NRROS: variants seen among roughly 807,000 people sequenced by gnomAD.
NRROS encodes the protein transforming growth factor beta activator LRRC33.
In NRROS, 6 loss-of-function variants were observed where a neutral mutation model predicts 12.0. That is an observed-to-expected ratio of 0.50 (90% CI 0.27 to 0.98). The LOEUF is 0.98. Ranked by LOEUF, NRROS falls within the 50% of genes least tolerant of loss-of-function variation. The pLI is 0.11. For synonymous variants in NRROS, 462 were observed against 410.2 expected, an observed-to-expected ratio of 1.13 and a Z score of -1.53; for missense variants, 857 against 888.2, an observed-to-expected ratio of 0.96 and a Z score of 0.45.
chr3:196,650,209 G>A (rs1737395580), intron 1 of NRROS, among the ~76,000 whole-genome samples: 1 of 152,092 alleles, frequency 6.6e-6, no homozygotes, highest in African/African-American at 2.4e-5. Context: ...GTGCAATAGC[G>A]AGATCTCTGC....
chr3:196,647,633 A>C (rs1737336908), intron 1 of NRROS, among the ~76,000 whole-genome samples: 1 of 152,214 alleles, frequency 6.6e-6, no homozygotes, highest in African/African-American at 2.4e-5. Context: ...ATCTCGGCTC[A>C]CTGCAACCTC....
chr3:196,657,943 C>T (rs1737573394), intron 2 of NRROS, among the ~76,000 whole-genome samples: 1 of 152,104 alleles, frequency 6.6e-6, no homozygotes, highest in South Asian at 2.1e-4. Context: ...TTCACCTCAA[C>T]AGTCACACTT....
In NRROS at chr3:196,660,564, C is replaced by T. The variant is rs201974493; in HGVS notation, c.921C>T (p.Asp307=). ...TGGTGGCCCAGTTCCTCCTCGTGGACGGCAACGTGACCAACATCACCACCG... is the reference window on the plus strand; with the variant it reads ...TGGTGGCCCAGTTCCTCCTCGTGGATGGCAACGTGACCAACATCACCACCG... ...REMVAQFLLV[D]GNVTNITTVS... is the part of the protein sequence containing the mutation. Residue 307 remains aspartate (D), a synonymous_variant, in exon 3 of 3, where the codon GAC becomes GAT. Transcript: ENST00000328557. The surrounding 1 kb of genome is among the most constrained non-coding windows in gnomAD (Gnocchi z 7.7). The T allele has an allele frequency of 3.7e-6, 6 of 1,614,174 alleles. No individual in the cohort carries two copies. The East Asian group carries it at 6.7e-5, about 18-fold the overall frequency.
In NRROS at chr3:196,661,550, G is replaced by T. The variant is rs919203679; in HGVS notation, c.1907G>T (p.Gly636Val). Residue 636 changes from glycine to valine, a missense_variant, in exon 3 of 3, where the codon GGT (glycine) becomes GTT (valine). By Grantham distance (109) the Gly-to-Val change is moderately radical. Transcript: ENST00000328557. Reference sequence around the variant, plus strand: ...ATCCGCGTGACGGAGCTGCCCGGAGGTGTGCCTCGGGACTGCAAGTGGGAG... The same window carrying T: ...ATCCGCGTGACGGAGCTGCCCGGAGTTGTGCCTCGGGACTGCAAGTGGGAG... The part of the protein sequence containing the change: ...KIIRVTELPG[G>V]VPRDCKWERL... The T allele has an allele frequency of 6.2e-7, 1 of 1,613,940 alleles. No individual in the cohort carries two copies. The highest frequency in any genetic ancestry group is 1.1e-5 in the South Asian group (1 of 91,086).
chr3:196,648,766 CA>C (rs34359599), intron 1 of NRROS, among the ~76,000 whole-genome samples: 10,832 of 74,342 alleles, frequency 0.15, 391 homozygotes, highest in South Asian at 0.22. Context: ...AACTCCATCT[CA>C]AAAAAAAAAA....
At chr3:196,651,530 G>T (rs192931691) in intron 1 of NRROS, among the ~76,000 whole-genome samples, 1 of 152,276 alleles carries the variant, frequency 6.6e-6, no homozygotes, top group African/African-American at 2.4e-5. Flanking sequence ...ACTTTGGGAG[G>T]TCAAGGCGGG....
chr3:196,660,068 A>G lies in NRROS; in HGVS notation c.425A>G (p.Asn142Ser). ...PGLRRLDLSG[N>S]ALTEDMAALM... ...CTGCGGAGGCTGGACTTGTCAGGAA[A>G]CGCCCTGACGGAGGACATGGCAGCC... The change falls in exon 3 of 3, where the codon AAC becomes AGC. Residue 142 changes from asparagine to serine, a missense_variant. Physicochemically the swap from Asn to Ser is conservative, Grantham distance 46. Coordinates refer to ENST00000328557, the MANE Select transcript of NRROS (RefSeq NM_198565.3). This position sits in a 1 kb window ranked among gnomAD's most constrained non-coding sequence, Gnocchi z 7.7. The G allele has an allele frequency of 6.2e-7, 1 of 1,613,218 alleles. No homozygotes were observed. The highest frequency in any genetic ancestry group is 8.5e-7 in the Non-Finnish European group (1 of 1,179,914).
rs191573050 is a variant in NRROS, at chr3:196,642,148, A to G, written c.-14+2273A>G. On this transcript the variant is annotated intron_variant, in intron 1 of 2. Transcript: ENST00000328557. ...GATTTCTGAAAGCTCAGAGACGTGA[A>G]GGAAAAAGGACATCAGTGCTTGGAT... 8.9e-4 allele frequency among the ~76,000 whole-genome samples: 135 copies of G among 152,278 alleles called. 1 individual carries two copies. Among genetic ancestry groups the G allele is most frequent in the Non-Finnish European group, 1.4e-3 (96 of 68,026 alleles).
At chr3:196,656,725 C>T (rs928200409) in intron 2 of NRROS, among the ~76,000 whole-genome samples, 1 of 152,148 alleles carries the variant, frequency 6.6e-6, no homozygotes, top group Non-Finnish European at 1.5e-5. Context: ...AATGAACAGC[C>T]TTTCAGAGTT....
intron 2 of NRROS, among the ~76,000 whole-genome samples, chr3:196,659,306 T>C (rs574223609): frequency 6.7e-6 from 1 of 148,526 alleles, no homozygotes; most frequent in East Asian, 2.0e-4. Flanking sequence ...CTTTTTTTTT[T>C]TTTTTTTTTT....
At chr3:196,643,097 C>T (rs201537053) in intron 1 of NRROS, among the ~76,000 whole-genome samples, 5 of 150,684 alleles carry the variant, frequency 3.3e-5, no homozygotes, top group African/African-American at 9.8e-5. Flanking sequence ...AAAAGATAAT[C>T]GCTTTCATGT....
chr3:196,645,675 C>A (rs80064395), intron 1 of NRROS, among the ~76,000 whole-genome samples: 4 of 152,144 alleles, frequency 2.6e-5, no homozygotes, highest in Admixed American at 6.5e-5. Context: ...GTTCTTCAAT[C>A]GTACACTTTC....
chr3:196,661,129 T>A lies in NRROS; in HGVS notation c.1486T>A (p.Trp496Arg), dbSNP rs748442356. 1 of 1,613,230 alleles carries A rather than the reference T, an allele frequency of 6.2e-7. No homozygotes were observed. The highest frequency in any genetic ancestry group is 1.7e-5 in the Admixed American group (1 of 59,958). Residue 496 changes from tryptophan (W) to arginine (R), a missense_variant, in exon 3 of 3, where the codon TGG (tryptophan) becomes AGG (arginine). Trp to Arg is a moderately radical substitution (Grantham distance 101, BLOSUM62 -3). Transcript: ENST00000328557. ...SLTYLDLSSN[W>R]GVLNGSLAPL... ...GACCTACTTAGACCTCTCAAGCAAC[T>A]GGGGGGTTCTGAATGGGAGCCTCGC...
At chr3:196,658,540 G>T (rs1421891538) in intron 2 of NRROS, among the ~76,000 whole-genome samples, 1 of 152,178 alleles carries the variant, frequency 6.6e-6, no homozygotes, top group Non-Finnish European at 1.5e-5. Context: ...CTCTCTCTCG[G>T]GATTTTCCTC....
In NRROS at chr3:196,660,432, G is replaced by C. The variant is rs1303080209; in HGVS notation, c.789G>C (p.Leu263=). Residue 263 remains leucine (L), a synonymous_variant, in exon 3 of 3, where the codon CTG becomes CTC. Coordinates refer to ENST00000328557, the MANE Select transcript of NRROS (RefSeq NM_198565.3). The surrounding 1 kb of genome is among the most constrained non-coding windows in gnomAD (Gnocchi z 7.7). The part of the protein sequence containing the change: ...ETLDLSHNQL[L]FFPLLPQYSK... ...TGGACCTGTCTCACAACCAGCTGCT[G>C]TTCTTCCCGCTGCTGCCCCAGTACA... The C allele has an allele frequency of 6.2e-7, 1 of 1,613,946 alleles. No homozygotes were observed. The highest frequency in any genetic ancestry group is 1.3e-5 in the African/African-American group (1 of 75,036).
At chr3:196,648,862 G>C (rs1737359590) in intron 1 of NRROS, among the ~76,000 whole-genome samples, 2 of 150,450 alleles carry the variant, frequency 1.3e-5, no homozygotes, top group African/African-American at 4.9e-5. Flanking sequence ...ATCTAGAACA[G>C]ACACCCCCAG....
intron 1 of NRROS, among the ~76,000 whole-genome samples, chr3:196,651,026 G>T (rs947111487): frequency 6.6e-6 from 1 of 152,172 alleles, no homozygotes; most frequent in Non-Finnish European, 1.5e-5. Flanking sequence ...CTGTGGCGTG[G>T]TCCTCAGCCC....
chr3:196,648,450 C>A (rs1401788837), intron 1 of NRROS, among the ~76,000 whole-genome samples: 3 of 152,138 alleles, frequency 2.0e-5, no homozygotes, highest in African/African-American at 7.2e-5. Flanking sequence ...TTGTCTCATA[C>A]TTTTCTGTTA....
rs767482382 is a variant in NRROS, at chr3:196,660,530, C to T, written c.887C>T (p.Pro296Leu). ...CGGGACCTGTACAACACCTCGTCGC[C>T]GAGGGAGATGGTGGCCCAGTTCCTC... is the stretch of plus-strand genomic sequence containing the variant. Reference protein sequence around the residue: ...FYRDLYNTSSPREMVAQFLLV... With the variant: ...FYRDLYNTSSLREMVAQFLLV... The change falls in exon 3 of 3, where the codon CCG becomes CTG. Residue 296 changes from proline (P) to leucine (L), a missense_variant. Pro to Leu is a moderately conservative substitution (Grantham distance 98). Transcript: ENST00000328557. The surrounding 1 kb of genome is among the most constrained non-coding windows in gnomAD (Gnocchi z 7.7). 2.5e-6 allele frequency: 4 copies of T among 1,614,112 alleles called. No individual in the cohort carries two copies. Among genetic ancestry groups the T allele is most frequent in the Non-Finnish European group, 3.4e-6 (4 of 1,180,036 alleles).
Sources: allele counts gnomAD v4.1 joint callset (sites outside exome capture counted in the v4.1 genomes callset), GRCh38; gene constraint gnomAD v4.1.1; non-coding constraint Gnocchi (gnomAD v3.1); transcripts MANE v1.5; gene names NCBI Gene and HGNC (gene_info 2026-07-23, HGNC 2026-07-21).